The following EFCAB5 variants were observed in gnomAD, a reference collection of about 807,000 sequenced individuals.
The protein encoded by EFCAB5 is EF-hand calcium-binding domain-containing protein 5.
EFCAB5 carries 131 observed loss-of-function variants against 167.9 expected under a neutral mutation model. The ratio of observed to expected loss-of-function variants is 0.78; its 90% confidence interval spans 0.68 to 0.90. The LOEUF is 0.90. EFCAB5 is among the 40% of genes least tolerant of loss of function. EFCAB5 has a pLI of 0.00. For missense variants in EFCAB5, 1,663 were observed against 1,745.2 expected, an observed-to-expected ratio of 0.95 and a Z score of 0.84; for synonymous variants, 574 against 602.8, an observed-to-expected ratio of 0.95 and a Z score of 0.70.
intron 8 of EFCAB5, among the ~76,000 whole-genome samples, chr17:30,044,789 T>C (rs2069873428): frequency 1.3e-5 from 2 of 152,136 alleles, no homozygotes; most frequent in Non-Finnish European, 2.9e-5. Flanking sequence ...CTAGATTATA[T>C]ACCTAAGAGA....
chr17:30,020,555 A>G (rs1156509397), intron 7 of EFCAB5, among the ~76,000 whole-genome samples: 9 of 151,874 alleles, frequency 5.9e-5, no homozygotes, highest in Admixed American at 5.9e-4. Flanking sequence ...AGTAGAGGCC[A>G]AGTTGGCCAG....
intron 4 of EFCAB5, 79 bp from the exon 5 acceptor site, chr17:29,993,086 A>G (rs765407071): frequency 1.2e-4 from 155 of 1,339,690 alleles, no homozygotes; most frequent in Non-Finnish European, 1.4e-4. Flanking sequence ...TTTCAAAGAG[A>G]GTCTGAATTC....
chr17:29,965,511 G>A (rs1390809789), intron 3 of EFCAB5, among the ~76,000 whole-genome samples: 2 of 152,120 alleles, frequency 1.3e-5, no homozygotes, highest in East Asian at 3.8e-4. Context: ...GTATTCTGCT[G>A]TTATATTGGG....
chr17:30,015,832 GCTCACTGCAACCTCTGC>G (rs975059578), intron 7 of EFCAB5, among the ~76,000 whole-genome samples: 5 of 150,482 alleles, frequency 3.3e-5, no homozygotes, highest in African/African-American at 7.4e-5. Flanking sequence ...GGTGCAACTG[GCTCACTGCAACCTCTGC>G]CTCACTGCAA....
At chr17:30,069,500 A>G in intron 14 of EFCAB5, 2 of 1,603,532 alleles carry the variant, frequency 1.2e-6, no homozygotes, top group Non-Finnish European at 1.7e-6. Flanking sequence ...TGTGGGGGCA[A>G]CTGAAAATAT....
intron 22 of EFCAB5, among the ~76,000 whole-genome samples, chr17:30,099,528 C>T (rs1371078905): frequency 6.6e-6 from 1 of 152,196 alleles, no homozygotes; most frequent in Non-Finnish European, 1.5e-5. Flanking sequence ...GCTGTAGAAT[C>T]ATCCCTTCAT....
chr17:29,997,863 C>T (rs1331964703), intron 6 of EFCAB5, among the ~76,000 whole-genome samples: 1 of 151,726 alleles, frequency 6.6e-6, no homozygotes, highest in African/African-American at 2.4e-5. Flanking sequence ...AGGAGGACAG[C>T]ACCACCCCTA....
intron 7 of EFCAB5, among the ~76,000 whole-genome samples, chr17:30,014,386 T>C (rs1018065385): frequency 6.6e-6 from 1 of 152,200 alleles, no homozygotes; most frequent in African/African-American, 2.4e-5. Flanking sequence ...ATCTGTCTAA[T>C]ATTGACAGTG....
chr17:30,104,766 A>T (rs1009713138), intron 22 of EFCAB5, among the ~76,000 whole-genome samples: 2 of 152,086 alleles, frequency 1.3e-5, no homozygotes, highest in Non-Finnish European at 2.9e-5. Flanking sequence ...TCGTTAACGC[A>T]TCAACCTCTG....
At chr17:29,975,440 A>G (rs1025301276) in intron 4 of EFCAB5, among the ~76,000 whole-genome samples, 6 of 152,170 alleles carry the variant, frequency 3.9e-5, no homozygotes, top group Admixed American at 3.3e-4. Context: ...TATTTTAAGT[A>G]GAGATGGGGT....
At chr17:29,994,882 G>A (rs948875610) in intron 5 of EFCAB5, among the ~76,000 whole-genome samples, 1 of 152,226 alleles carries the variant, frequency 6.6e-6, no homozygotes, top group East Asian at 1.9e-4. Context: ...CTAAAGAACT[G>A]AGGGTCCTGG....
At position 30,053,666 on chromosome 17, in the gene EFCAB5, A is replaced by G. The variant is rs1350378245; in HGVS notation, c.1712A>G (p.Glu571Gly). The change falls in exon 10 of 23, where the codon GAG (glutamate) becomes GGG (glycine). Residue 571 changes from glutamate to glycine, a missense_variant. Coordinates refer to ENST00000394835, the MANE Select transcript of EFCAB5 (RefSeq NM_198529.4). ...CTGACAGAACAAGAAACACACAGAGAGTCAACTACAGAACAAGGACAGCAC... is the reference window on the plus strand; with the variant it reads ...CTGACAGAACAAGAAACACACAGAGGGTCAACTACAGAACAAGGACAGCAC... ...RLLTEQETHRESTTEQGQHKG... is the reference protein window; with the variant it reads ...RLLTEQETHRGSTTEQGQHKG... 1 of 1,613,994 alleles carries G rather than the reference A, an allele frequency of 6.2e-7. No individual in the cohort carries two copies.
chr17:29,956,306 T>C (rs1275373085), intron 3 of EFCAB5, among the ~76,000 whole-genome samples: 1 of 152,214 alleles, frequency 6.6e-6, no homozygotes, highest in Non-Finnish European at 1.5e-5. Flanking sequence ...AATTCAGGAA[T>C]CAGGCAGCTT....
intron 14 of EFCAB5, among the ~76,000 whole-genome samples, chr17:30,077,066 C>T (rs2070881956): frequency 6.6e-6 from 1 of 152,200 alleles, no homozygotes; most frequent in African/African-American, 2.4e-5. Flanking sequence ...CTTTGGGACG[C>T]TGAGGTGGGC....
At chr17:29,933,414 T>G (rs964589483) in intron 1 of EFCAB5, among the ~76,000 whole-genome samples, 2 of 152,186 alleles carry the variant, frequency 1.3e-5, no homozygotes, top group African/African-American at 4.8e-5. Context: ...TTCCCTAGGC[T>G]CCACCCTGGT....
chr17:30,006,605 A>T (rs759338248), intron 7 of EFCAB5, among the ~76,000 whole-genome samples: 19 of 152,160 alleles, frequency 1.2e-4, no homozygotes, highest in Non-Finnish European at 2.5e-4. Context: ...TTCCTTTCCA[A>T]TGGAAAATAA....
intron 3 of EFCAB5, among the ~76,000 whole-genome samples, chr17:29,952,084 A>G (rs1255982401): frequency 6.6e-6 from 1 of 152,160 alleles, no homozygotes; most frequent in Non-Finnish European, 1.5e-5. Flanking sequence ...AGCAAGTTTC[A>G]TGTCTGGTAA....
intron 22 of EFCAB5, among the ~76,000 whole-genome samples, chr17:30,107,469 T>A (rs1294356773): frequency 6.6e-6 from 1 of 152,204 alleles, no homozygotes; most frequent in Non-Finnish European, 1.5e-5. Context: ...CATGCATGAT[T>A]TCTTATTTTT....
intron 7 of EFCAB5, among the ~76,000 whole-genome samples, chr17:30,007,918 A>G (rs2068805838): frequency 6.6e-6 from 1 of 151,934 alleles, no homozygotes; most frequent in African/African-American, 2.4e-5. Context: ...GAGCCTGGGA[A>G]GTCAGGCTGC....
Sources: gnomAD v4.1 joint callset for allele counts (sites outside exome capture counted in the v4.1 genomes callset) on GRCh38, gnomAD v4.1.1 for gene constraint, MANE v1.5 for transcripts, NCBI Gene and HGNC (gene_info 2026-07-23, HGNC 2026-07-21) for gene names.